ANXA11: variants seen among roughly 807,000 people sequenced by gnomAD.
ANXA11 encodes the protein 56 kDa autoantigen.
Under a neutral mutation model 64.7 loss-of-function variants are expected in ANXA11, and 57 were observed. The ratio of observed to expected loss-of-function variants is 0.88; its 90% CI spans 0.71 to 1.10. The LOEUF is 1.10. Among genes scored for constraint, ANXA11 ranks in the 50% least tolerant of loss-of-function variants. The pLI is 0.00. For synonymous variants in ANXA11, 260 were observed against 265.2 expected, an observed-to-expected ratio of 0.98 and a Z score of 0.19; for missense variants, 675 against 670.7, an observed-to-expected ratio of 1.01 and a Z score of -0.07.
At chr10:80,201,241 C>T (rs1216481007) in intron 1 of ANXA11, among the ~76,000 whole-genome samples, 1 of 152,134 alleles carries the variant, frequency 6.6e-6, no homozygotes, top group Admixed American at 6.5e-5. Flanking sequence ...ACCACTCCAT[C>T]CCACGAAGCA....
intron 15 of ANXA11, 107 bp downstream of exon 15, chr10:80,157,534 C>A: frequency 6.6e-7 from 1 of 1,515,282 alleles, no homozygotes. Flanking sequence ...AATCAAGATG[C>A]CCACACACAG....
At chr10:80,203,898 TCCACTGCTACTATTTATTGAC>T (rs1354639923) in intron 1 of ANXA11, among the ~76,000 whole-genome samples, 2 of 152,194 alleles carry the variant, frequency 1.3e-5, no homozygotes, top group Non-Finnish European at 2.9e-5. Flanking sequence ...AGCTGAACCT[TCCACTGCTACTATTTATTGAC>T]CCTTACACCT....
intron 1 of ANXA11, among the ~76,000 whole-genome samples, chr10:80,178,341 G>A (rs1477756710): frequency 3.3e-5 from 5 of 152,300 alleles, no homozygotes; most frequent in African/African-American, 9.6e-5. Context: ...TCTGATGGCT[G>A]GGGCATGTCC....
Position 80,166,201 on chromosome 10 carries a change from A to G in ANXA11, c.745-4T>C. 2.0e-6 allele frequency: 3 copies of G among 1,527,204 alleles called. No homozygotes were observed. The highest frequency in any genetic ancestry group is 2.7e-6 in the Non-Finnish European group (3 of 1,109,934). 94.6% of individuals were successfully genotyped at this position (1,527,204 alleles called of 1,614,324 possible). A position where few individuals can be genotyped will look rare whatever the true frequency, so the allele number is the denominator to read the frequency against. ...ATTTCAGATCTTTGATCAAATCCTG[A>G]TTGGATATTCAAACAAACAACCAAC... is the stretch of plus-strand genomic sequence containing the variant. On this transcript the variant is annotated splice_region_variant and splice_polypyrimidine_tract_variant and intron_variant, in intron 7 of 15. Coordinates refer to ENST00000422982, the MANE Select transcript of ANXA11 (RefSeq NM_145868.2).
chr10:80,161,783 AG>A, intron 12 of ANXA11, 151 bp downstream of exon 12: 1 of 624,794 alleles, frequency 1.6e-6, no homozygotes. Flanking sequence ...ACCCTCTGAC[AG>A]TGTCTTTTAA....
In ANXA11 at chr10:80,164,203, G is replaced by C. The variant is rs12762098; in HGVS notation, c.859-60C>G. The stretch of plus-strand genomic sequence containing the variant: ...TGTTCCAGCAGCCTCACCAGCACTC[G>C]GGAAGAAGGGTGGGGGCTACGCTGC... On this transcript the variant is annotated intron_variant, in intron 8 of 15. Coordinates refer to ENST00000422982, the MANE Select transcript of ANXA11 (RefSeq NM_145868.2). The C allele has an allele frequency of 0.057, 79,865 of 1,399,476 alleles. 2,655 individuals are homozygous for C. Among genetic ancestry groups the C allele is most frequent in the Non-Finnish European group, 0.068 (66,791 of 989,376 alleles). The allele number at this position is 1,399,476 out of a possible 1,614,324, so 86.7% of individuals were successfully genotyped here. A position where few individuals can be genotyped will look rare whatever the true frequency, so the allele number is the denominator to read the frequency against.
Position 80,155,415 on chromosome 10 carries a change from GACACGGTGCTTCACCC to G in ANXA11, c.*422_*437del, listed in dbSNP as rs1845239730. 6.1e-6 allele frequency: 1 copy of G among 163,516 alleles called. No homozygotes were observed. The highest frequency in any genetic ancestry group is 1.3e-5 in the Non-Finnish European group (1 of 74,626). The allele number at this position is 163,516 out of a possible 1,614,324, so 10.1% of individuals were successfully genotyped here. ...CGCCTCCCTTTCTCTCCTCAGCGAG[GACACGGTGCTTCACCC>G]ACCCAGTCGCCCTCACCAGAAATGT... On this transcript the variant is annotated 3_prime_UTR_variant, in exon 16 of 16. Transcript: ENST00000422982.
rs150561214 is a variant in ANXA11, at chr10:80,196,206, G to A, written c.-58+9137C>T. Among the ~76,000 whole-genome samples, 5 of 152,246 alleles carry A rather than the reference G, an allele frequency of 3.3e-5. No individual in the cohort carries two copies. The East Asian group carries it at 9.6e-4, about 29-fold the overall frequency. ...AGGTATTATCATCCTCATTTTATAA[G>A]CAAGGGAACGAAGGCTGAGCTGACT... On this transcript the variant is annotated intron_variant, in intron 1 of 15. Transcript: ENST00000422982.
intron 1 of ANXA11, among the ~76,000 whole-genome samples, chr10:80,193,290 T>G (rs1846847947): frequency 6.6e-6 from 1 of 152,166 alleles, no homozygotes; most frequent in Non-Finnish European, 1.5e-5. Flanking sequence ...GTCAACATAT[T>G]TCAAAACTGA....
intron 2 of ANXA11, among the ~76,000 whole-genome samples, chr10:80,175,376 C>G (rs1291088846): frequency 6.6e-6 from 1 of 152,028 alleles, no homozygotes; most frequent in African/African-American, 2.4e-5. Context: ...CTTTGAGCAC[C>G]AAAGACACTC....
chr10:80,155,945 G>A (rs1474177011), intron 15 of ANXA11, 33 bp from the exon 16 acceptor site: 1 of 1,602,654 alleles, frequency 6.2e-7, no homozygotes, highest in African/African-American at 1.3e-5. Flanking sequence ...CATCCGTTAA[G>A]GGAGGGACAG....
Position 80,157,746 on chromosome 10 carries a change from G to A in ANXA11, c.1353C>T (p.Asp451=), listed in dbSNP as rs867842506. The change falls in exon 15 of 16, where the codon GAC becomes GAT. Residue 451 remains aspartate (D), a synonymous_variant. Coordinates refer to ENST00000422982, the MANE Select transcript of ANXA11 (RefSeq NM_145868.2). ...NKAMRGAGTK[D]RTLIRIMVSR... ...ACACCATGATGCGAATCAGGGTCCGGTCCTTTGTTCCTGCCCCCTAAAGAG... is the reference window on the plus strand; with the variant it reads ...ACACCATGATGCGAATCAGGGTCCGATCCTTTGTTCCTGCCCCCTAAAGAG... 5 of 1,613,752 alleles carry A rather than the reference G, an allele frequency of 3.1e-6. No individual in the cohort carries two copies. The highest frequency in any genetic ancestry group is 4.2e-6 in the Non-Finnish European group (5 of 1,179,820).
At chr10:80,199,405 C>T (rs889994172) in intron 1 of ANXA11, among the ~76,000 whole-genome samples, 5 of 152,004 alleles carry the variant, frequency 3.3e-5, no homozygotes, top group African/African-American at 1.2e-4. Context: ...CCAAGATAAA[C>T]TTTTTTAAGT....
At chr10:80,191,410 C>CA (rs1418887454) in intron 1 of ANXA11, among the ~76,000 whole-genome samples, 2 of 151,746 alleles carry the variant, frequency 1.3e-5, no homozygotes, top group African/African-American at 2.4e-5. Flanking sequence ...CAAACAACAA[C>CA]AAAAAAAACT....
intron 1 of ANXA11, among the ~76,000 whole-genome samples, chr10:80,197,121 A>T (rs1305011853): frequency 6.6e-6 from 1 of 152,090 alleles, no homozygotes; most frequent in African/African-American, 2.4e-5. Flanking sequence ...AGACCCAGAG[A>T]GCAGAAAGAC....
intron 1 of ANXA11, among the ~76,000 whole-genome samples, chr10:80,181,614 C>T (rs917384430): frequency 2.0e-5 from 3 of 152,070 alleles, no homozygotes; most frequent in African/African-American, 4.8e-5. Context: ...GAAAACCTTA[C>T]GATTTAAAAA....
intron 12 of ANXA11, 70 bp downstream of exon 12, chr10:80,161,865 G>A: frequency 7.4e-7 from 1 of 1,356,514 alleles, no homozygotes; most frequent in South Asian, 1.2e-5. Flanking sequence ...TGTTCCCATA[G>A]CTTTGTTTCC....
At chr10:80,190,047 G>A (rs1846703301) in intron 1 of ANXA11, among the ~76,000 whole-genome samples, 1 of 152,218 alleles carries the variant, frequency 6.6e-6, no homozygotes, top group Admixed American at 6.5e-5. Flanking sequence ...CCACCTATAT[G>A]AAGTCTCCAA....
Position 80,170,809 on chromosome 10 carries a change from G to A in ANXA11, c.162C>T (p.Leu54=), listed in dbSNP as rs1177909783. 1 of 1,483,248 alleles carries A rather than the reference G, an allele frequency of 6.7e-7. No individual in the cohort carries two copies. The highest frequency in any genetic ancestry group is 2.5e-5 in the Admixed American group (1 of 39,928). The allele number at this position is 1,483,248 out of a possible 1,614,324, so 91.9% of individuals were successfully genotyped here. Residue 54 remains leucine, a synonymous_variant, in exon 4 of 16, where the codon CTC becomes CTT. Transcript: ENST00000422982. ...GGAGAGCTGGACTCACCATTCCCGA[G>A]AGATAGTCCTGGTTGAACTGCCCCG... ...TYAGQFNQDY[L]SGMAANMSGT...
Sources: gnomAD v4.1 joint callset for allele counts (sites outside exome capture counted in the v4.1 genomes callset) on GRCh38, gnomAD v4.1.1 for gene constraint, MANE v1.5 for transcripts, NCBI Gene and HGNC (gene_info 2026-07-23, HGNC 2026-07-21) for gene names.